The following ATN1 variants were observed in gnomAD, a reference collection of about 807,000 sequenced individuals.
ATN1 encodes atrophin-1.
Under a neutral mutation model 85.8 loss-of-function variants are expected in ATN1, and 19 were observed. The observed-to-expected ratio is 0.22, with a 90% CI of 0.15 to 0.32. The LOEUF (loss-of-function observed/expected upper bound fraction) is 0.32. ATN1 is among the 10% of genes least tolerant of loss of function. ATN1 has a pLI of 1.00. For missense variants in ATN1, 1,453 were observed against 1,564.5 expected, an observed-to-expected ratio of 0.93 and a Z score of 1.20; for synonymous variants, 674 against 657.0, an observed-to-expected ratio of 1.03 and a Z score of -0.39.
Position 6,933,937 on chromosome 12 carries a change from G to A in ATN1, c.-65G>A. 2.6e-6 allele frequency: 4 copies of A among 1,561,256 alleles called. No homozygotes were observed. In the Admixed American group the frequency reaches 5.8e-5, roughly 23 times the overall value. On this transcript the variant is annotated 5_prime_UTR_variant, in exon 2 of 10. Transcript: ENST00000396684. ...CCACAGCTGTGGGGAACTTGGGGTGGAGCAGAGAAGTTTCTGTATTCAGCT... is the reference window on the plus strand; with the variant it reads ...CCACAGCTGTGGGGAACTTGGGGTGAAGCAGAGAAGTTTCTGTATTCAGCT...
upstream of ATN1, among the ~76,000 whole-genome samples, chr12:6,925,866 G>A (rs186691965): frequency 1.4e-3 from 207 of 152,238 alleles, no homozygotes; most frequent in African/African-American, 4.7e-3. Context: ...ACAAGTACCC[G>A]ACCCCCACCC....
Position 6,936,029 on chromosome 12 carries a change from C to T in ATN1, c.762C>T (p.Pro254=). ...GCCCTAATGGGGGTAAGCAGCACCC[C>T]CCACCCACTACTCCCATTTCAGTAT... is the stretch of plus-strand genomic sequence containing the variant. ...VGGPNGGKQH[P]PPTTPISVSS... Residue 254 remains proline, a synonymous_variant, in exon 5 of 10, where the codon CCC becomes CCT. Transcript: ENST00000396684. 6.3e-7 allele frequency: 1 copy of T among 1,580,852 alleles called. No individual in the cohort carries two copies. Among genetic ancestry groups the T allele is most frequent in the Admixed American group, 1.8e-5 (1 of 55,516 alleles).
At chr12:6,931,690 G>T (rs1355601771) in intron 1 of ATN1, among the ~76,000 whole-genome samples, 1 of 146,972 alleles carries the variant, frequency 6.8e-6, no homozygotes, top group Non-Finnish European at 1.5e-5. Flanking sequence ...CCTCCAGCCT[G>T]GGGAACAAGA....
chr12:6,929,482 G>A (rs1308879339), intron 1 of ATN1, among the ~76,000 whole-genome samples: 1 of 152,106 alleles, frequency 6.6e-6, no homozygotes, highest in Admixed American at 6.5e-5. Flanking sequence ...ACCTGGGATG[G>A]TCTCTTGAGG....
At chr12:6,925,262 C>T (rs1945388952), upstream of ATN1, among the ~76,000 whole-genome samples, 1 of 152,084 alleles carries the variant, frequency 6.6e-6, no homozygotes, top group Admixed American at 6.5e-5. Context: ...CCTATCCCCA[C>T]ATATGCCTAA....
rs782428609 is a variant in ATN1, at chr12:6,937,000, C to T, written c.1733C>T (p.Thr578Ile). Residue 578 changes from threonine (T) to isoleucine (I), a missense_variant, in exon 5 of 10, where the codon ACT (threonine) becomes ATT (isoleucine). Thr to Ile is a moderately conservative substitution (Grantham distance 89). Around this residue, in one of 6 missense-constraint regions of ATN1, gnomAD observed 990 missense variants for 914.8 expected, o/e 1.08. Coordinates refer to ENST00000396684, the MANE Select transcript of ATN1 (RefSeq NM_001940.4). ...VSSSSNSSSS[T>I]SQGSYPCSHP... The stretch of plus-strand genomic sequence containing the variant: ...TCCTCTTCCAACTCTTCCTCTTCCA[C>T]TTCTCAAGGGTCCTACCCATGTTCA... The T allele has an allele frequency of 6.8e-6, 11 of 1,613,560 alleles. No homozygotes were observed. The highest frequency in any genetic ancestry group is 1.7e-5 in the Admixed American group (1 of 59,968).
Position 6,941,395 on chromosome 12 carries a change from C to T in ATN1, c.3380C>T (p.Pro1127Leu), listed in dbSNP as rs1459839147. 8 of 1,603,038 alleles carry T rather than the reference C, an allele frequency of 5.0e-6. No individual in the cohort carries two copies. The highest frequency in any genetic ancestry group is 1.3e-5 in the African/African-American group (1 of 74,552). The change falls in exon 9 of 10, where the codon CCG becomes CTG. Residue 1127 changes from proline (P) to leucine (L), a missense_variant. Transcript: ENST00000396684. This position sits in a 1 kb window ranked among gnomAD's most constrained non-coding sequence, Gnocchi z 5.9. ...ACAGCTGCCCCTTACCGGGACCTGCCGGCCTCCCTTTCTGCCCCGATGTCA... is the reference window on the plus strand; with the variant it reads ...ACAGCTGCCCCTTACCGGGACCTGCTGGCCTCCCTTTCTGCCCCGATGTCA... ...QLFAAPYRDL[P>L]ASLSAPMSAA...
At position 6,936,680 on chromosome 12, in the gene ATN1, C is replaced by T. The variant is rs782171710; in HGVS notation, c.1413C>T (p.Thr471=). The part of the protein sequence containing the change: ...PFPPSTGAQS[T]AHPPVSTHHH... ...CTCCCTCTACTGGGGCCCAGTCCAC[C>T]GCCCACCCACCAGTCTCAACACATC... The change falls in exon 5 of 10, where the codon ACC becomes ACT. Residue 471 remains threonine, a synonymous_variant. Transcript: ENST00000396684. The T allele has an allele frequency of 9.9e-6, 16 of 1,613,608 alleles. No individual in the cohort carries two copies. The highest frequency in any genetic ancestry group is 6.6e-5 in the South Asian group (6 of 91,070).
chr12:6,934,027 C>A lies in ATN1; in HGVS notation c.26C>A (p.Ser9Ter). 6.2e-7 allele frequency: 1 copy of A among 1,608,724 alleles called. No homozygotes were observed. Among genetic ancestry groups the A allele is most frequent in the Non-Finnish European group, 8.5e-7 (1 of 1,177,678 alleles). ...ATGAAGACACGACAGAATAAAGACT[C>A]GGTGAGTTAAAATGAGAGACATGAA... MKTRQNKDSMSMRSGRKKE... is the reference protein window; with the variant it reads MKTRQNKD The change falls in exon 2 of 10, where the codon TCG becomes TAG. Residue 9 changes from serine to a stop codon, truncating the protein, a stop_gained and splice_region_variant. Transcript: ENST00000396684. LOFTEE classifies it high-confidence loss of function. This position sits in a 1 kb window ranked among gnomAD's most constrained non-coding sequence, Gnocchi z 4.5.
chr12:6,940,613 C>T (rs1945621249), intron 7 of ATN1, among the ~76,000 whole-genome samples: 1 of 152,128 alleles, frequency 6.6e-6, no homozygotes, highest in African/African-American at 2.4e-5. Context: ...CCACCTTCTT[C>T]ACGCAGTCTA....
rs1413204268 is a variant in ATN1 at position 6,937,606 on chromosome 12, C to G, written c.2294+45C>G. ...GGAGGTGGGCCTGGAAAGGGGACGA[C>G]GACAAGGCGGCGACGAGAGAGGGAG... On this transcript the variant is annotated intron_variant, in intron 5 of 9. Transcript: ENST00000396684. The surrounding 1 kb of genome is among the most constrained non-coding windows in gnomAD (Gnocchi z 6.0). 1 of 1,456,144 alleles carries G rather than the reference C, an allele frequency of 6.9e-7. No homozygotes were observed. Among genetic ancestry groups the G allele is most frequent in the Admixed American group, 2.8e-5 (1 of 36,164 alleles). The allele number at this position is 1,456,144 out of a possible 1,614,324, so 90.2% of individuals were successfully genotyped here.
Position 6,937,855 on chromosome 12 carries a change from C to A in ATN1, c.2305C>A (p.His769Asn). The A allele has an allele frequency of 6.3e-7, 1 of 1,577,330 alleles. No individual in the cohort carries two copies. Among genetic ancestry groups the A allele is most frequent in the Non-Finnish European group, 8.6e-7 (1 of 1,162,600 alleles). Reference sequence around the variant, plus strand: ...TTCCACGCCCGGCAGGTTCAACAAACACCTGGATCGCGGCTTCAACTCGTG... The same window carrying A: ...TTCCACGCCCGGCAGGTTCAACAAAAACCTGGATCGCGGCTTCAACTCGTG... Reference protein sequence around the residue: ...HASQSARFNKHLDRGFNSCAR... With the variant: ...HASQSARFNKNLDRGFNSCAR... The change falls in exon 6 of 10, where the codon CAC (histidine) becomes AAC (asparagine). Residue 769 changes from histidine (H) to asparagine (N), a missense_variant. By Grantham distance (68) the His-to-Asn change is moderately conservative (BLOSUM62 1). Coordinates refer to ENST00000396684, the MANE Select transcript of ATN1 (RefSeq NM_001940.4). The surrounding 1 kb of genome is among the most constrained non-coding windows in gnomAD (Gnocchi z 6.0).
chr12:6,924,929 G>C (rs1170049004), upstream of ATN1, among the ~76,000 whole-genome samples: 1 of 152,124 alleles, frequency 6.6e-6, no homozygotes, highest in East Asian at 1.9e-4. Flanking sequence ...CGCCTTCTCT[G>C]ACAGTCTGGC....
chr12:6,937,796 A>G lies in ATN1; in HGVS notation c.2295-49A>G. The G allele has an allele frequency of 6.6e-7, 1 of 1,503,966 alleles. No individual in the cohort carries two copies. Among genetic ancestry groups the G allele is most frequent in the Non-Finnish European group, 8.9e-7 (1 of 1,125,220 alleles). 93.2% of individuals were successfully genotyped at this position (1,503,966 alleles called of 1,614,324 possible). ...CCGGGGCCGCGGCGCTGCGGGCTCC[A>G]TCGGGCAGCTCGCACCGCCTGAGCG... is the stretch of plus-strand genomic sequence containing the variant. On this transcript the variant is annotated intron_variant, in intron 5 of 9. Transcript: ENST00000396684. This position sits in a 1 kb window ranked among gnomAD's most constrained non-coding sequence, Gnocchi z 6.0.
chr12:6,936,809 A>G lies in ATN1; in HGVS notation c.1542A>G (p.Ala514=). The G allele has an allele frequency of 6.2e-7, 1 of 1,612,476 alleles. No individual in the cohort carries two copies. Among genetic ancestry groups the G allele is most frequent in the East Asian group, 2.2e-5 (1 of 44,632 alleles). Residue 514 remains alanine, a synonymous_variant, in exon 5 of 10, where the codon GCA becomes GCG. Coordinates refer to ENST00000396684, the MANE Select transcript of ATN1 (RefSeq NM_001940.4). ...ACTCTGGGCCCCCTCCTCCTGGAGC[A>G]TTTCCCCACCCACTGGAGGGCGGTA... ...HGNSGPPPPG[A]FPHPLEGGSS...
At position 6,938,488 on chromosome 12, in the gene ATN1, C is replaced by T. The variant is rs146474196; in HGVS notation, c.2525C>T (p.Ala842Val). ...ERELERSVKL[A>V]QEGRAPVECP... The stretch of plus-strand genomic sequence containing the variant: ...TTTCCCTGTATCCCACAGAAGTTGG[C>T]TCAGGAGGGCCGTGCTCCGGTGGAA... Residue 842 changes from alanine (A) to valine (V), a missense_variant, in exon 7 of 10, where the codon GCT becomes GTT. Transcript: ENST00000396684. The T allele has an allele frequency of 4.4e-6, 7 of 1,603,658 alleles. No individual in the cohort carries two copies. The African/African-American group carries it at 8.0e-5, about 18-fold the overall frequency.
At chr12:6,931,812 TC>T (rs1565563929) in intron 1 of ATN1, among the ~76,000 whole-genome samples, 1 of 151,300 alleles carries the variant, frequency 6.6e-6, no homozygotes, top group Non-Finnish European at 1.5e-5. Context: ...GGCAGGCAGA[TC>T]ACCTGAGGTC....
Position 6,941,274 on chromosome 12 carries a change from A to C in ATN1, c.3359-100A>C. 1 of 1,424,388 alleles carries C rather than the reference A, an allele frequency of 7.0e-7. No individual in the cohort carries two copies. Among genetic ancestry groups the C allele is most frequent in the Non-Finnish European group, 9.5e-7 (1 of 1,053,030 alleles). 88.2% of individuals were successfully genotyped at this position (1,424,388 alleles called of 1,614,324 possible). A position where few individuals can be genotyped will look rare whatever the true frequency, so the allele number is the denominator to read the frequency against. ...AACTGGGTGTGTTACCTCACTTTTT[A>C]GTTCATTACCTTTGTATGTAAAGGA... is the stretch of plus-strand genomic sequence containing the variant. On this transcript the variant is annotated intron_variant, in intron 8 of 9. Transcript: ENST00000396684. The surrounding 1 kb of genome is among the most constrained non-coding windows in gnomAD (Gnocchi z 5.9).
intron 6 of ATN1, 136 bp downstream of exon 6, chr12:6,938,203 A>G (rs1591665835): frequency 1.4e-6 from 2 of 1,425,286 alleles, no homozygotes; most frequent in South Asian, 1.5e-5. Flanking sequence ...GTCGGAGGGG[A>G]GGTACCACTG....
Sources: gnomAD v4.1 joint callset for allele counts (sites outside exome capture counted in the v4.1 genomes callset) on GRCh38, gnomAD v4.1.1 for gene constraint, gnomAD v4.1.1 regional missense constraint, Gnocchi (gnomAD v3.1) non-coding constraint, MANE v1.5 for transcripts, NCBI Gene and HGNC (gene_info 2026-07-23, HGNC 2026-07-21) for gene names.